ADAM17: variants seen among roughly 807,000 people sequenced by gnomAD.
ADAM17 encodes the protein ADAM metallopeptidase domain 17.
A neutral mutation model predicts 96.7 loss-of-function variants in ADAM17; 39 were observed. The ratio of observed to expected loss-of-function variants is 0.40; its 90% CI spans 0.31 to 0.53. The LOEUF (loss-of-function observed/expected upper bound fraction) is 0.53. Ranked by LOEUF, ADAM17 falls within the 20% of genes least tolerant of loss-of-function variation. The pLI is 0.44. For synonymous variants in ADAM17, 344 were observed against 359.2 expected (o/e 0.96, Z 0.48); for missense variants, 777 against 1,013.2 (o/e 0.77, Z 3.17).
intron 10 of ADAM17, among the ~76,000 whole-genome samples, chr2:9,515,480 T>C (rs956155560): frequency 6.6e-6 from 1 of 152,096 alleles, no homozygotes; most frequent in Non-Finnish European, 1.5e-5. Flanking sequence ...CTCACACCCG[T>C]AATCCCAGCA....
At chr2:9,555,063 G>C (rs1395561967) in intron 1 of ADAM17, among the ~76,000 whole-genome samples, 3 of 151,978 alleles carry the variant, frequency 2.0e-5, no homozygotes, top group African/African-American at 7.3e-5. Context: ...AGAAATTCTA[G>C]TTCCCTCCTT....
intron 2 of ADAM17, among the ~76,000 whole-genome samples, chr2:9,539,813 C>T (rs1572954038): frequency 2.0e-5 from 3 of 152,252 alleles, no homozygotes; most frequent in South Asian, 2.1e-4. Context: ...ACTCACTGTC[C>T]GACCTTGGCC....
At chr2:9,503,344 G>A (rs968815271) in intron 12 of ADAM17, among the ~76,000 whole-genome samples, 2 of 152,086 alleles carry the variant, frequency 1.3e-5, no homozygotes, top group African/African-American at 4.8e-5. Context: ...GTCTATCAGT[G>A]TATATAAAAA....
intron 10 of ADAM17, 75 bp downstream of exon 10, chr2:9,517,826 A>G: frequency 4.1e-6 from 4 of 968,494 alleles, no homozygotes; most frequent in East Asian, 3.0e-5. Context: ...TTAAAAAAAT[A>G]CCTACATAAA....
intron 7 of ADAM17, chr2:9,522,473 G>A: frequency 1.7e-6 from 1 of 581,652 alleles, no homozygotes; most frequent in South Asian, 2.2e-5. Context: ...GAAAGAGAAT[G>A]AAAAGGGAAA....
At chr2:9,497,374 G>A (rs1023949784) in intron 13 of ADAM17, 126 bp from the exon 14 acceptor site, 31 of 1,233,128 alleles carry the variant, frequency 2.5e-5, no homozygotes, top group Non-Finnish European at 3.5e-5. Context: ...GTGACCTACA[G>A]AGCTAGGACA....
intron 8 of ADAM17, among the ~76,000 whole-genome samples, chr2:9,520,484 A>G (rs529614407): frequency 6.6e-6 from 1 of 152,308 alleles, no homozygotes; most frequent in Non-Finnish European, 1.5e-5. Flanking sequence ...TCTCCAATAC[A>G]TGTTCATAAC....
intron 6 of ADAM17, among the ~76,000 whole-genome samples, chr2:9,524,572 A>G (rs10495564): frequency 0.16 from 23,600 of 152,092 alleles, 1,952 homozygotes; most frequent in African/African-American, 0.19. Context: ...GGTCAACTGT[A>G]TTCCCTTCTA....
At chr2:9,547,880 G>A (rs963603440) in intron 1 of ADAM17, among the ~76,000 whole-genome samples, 4 of 151,820 alleles carry the variant, frequency 2.6e-5, no homozygotes, top group African/African-American at 4.8e-5. Flanking sequence ...GCAAAACCCC[G>A]TCTCTACCAA....
intron 4 of ADAM17, among the ~76,000 whole-genome samples, chr2:9,535,125 G>A (rs1037120489): frequency 6.6e-6 from 1 of 152,142 alleles, no homozygotes; most frequent in Non-Finnish European, 1.5e-5. Flanking sequence ...CCAGCAGACT[G>A]TTTTACCCCT....
intron 4 of ADAM17, among the ~76,000 whole-genome samples, chr2:9,530,343 A>C (rs1664688924): frequency 1.3e-5 from 2 of 152,212 alleles, no homozygotes; most frequent in Non-Finnish European, 2.9e-5. Flanking sequence ...GATATATCTG[A>C]GTTCAAACCT....
rs187477431 is a variant in ADAM17 at position 9,551,430 on chromosome 2, C to T, written c.97+4079G>A. Among the ~76,000 whole-genome samples the T allele has an allele frequency of 2.9e-3, 440 of 152,150 alleles. 2 individuals carry two copies. The highest frequency in any genetic ancestry group is 0.01 in the African/African-American group (427 of 41,492). ...AATGAGGTATCTTGGGGATGGGACC[C>T]AAGTCTAAATATAAAATTCATTTAT... On this transcript the variant is annotated intron_variant, in intron 1 of 18. Coordinates refer to ENST00000310823, the MANE Select transcript of ADAM17 (RefSeq NM_003183.6).
At chr2:9,492,517 T>C (rs1203954105) in intron 17 of ADAM17, among the ~76,000 whole-genome samples, 1 of 152,164 alleles carries the variant, frequency 6.6e-6, no homozygotes, top group African/African-American at 2.4e-5. Context: ...CTACATGATA[T>C]ATGGGGAACA....
At chr2:9,534,783 T>G (rs1446082483) in intron 4 of ADAM17, among the ~76,000 whole-genome samples, 1 of 152,216 alleles carries the variant, frequency 6.6e-6, no homozygotes, top group Non-Finnish European at 1.5e-5. Flanking sequence ...GATAATCTAT[T>G]TTCCGAATTT....
intron 2 of ADAM17, among the ~76,000 whole-genome samples, chr2:9,539,110 A>ATT (rs748536711): frequency 7.8e-4 from 113 of 144,422 alleles, no homozygotes; most frequent in African/African-American, 2.5e-3. Flanking sequence ...TAATTTCTTG[A>ATT]TTTTTTTTTT....
rs1221596363 is a variant in ADAM17 at position 9,527,819 on chromosome 2, G to A, written c.586C>T (p.Pro196Ser). 7 of 1,598,228 alleles carry A rather than the reference G, an allele frequency of 4.4e-6. No individual in the cohort carries two copies. The highest frequency in any genetic ancestry group is 6.0e-6 in the Non-Finnish European group (7 of 1,173,936). ...GGTTCTCTGTCTACTAACCCTTTTG[G>A]GAGCAACTCTTCATTATCCACTTTT... ...YLKVDNEELL[P>S]KGLVDREPPE... The change falls in exon 5 of 19, where the codon CCA (proline) becomes TCA (serine). Residue 196 changes from proline to serine, a missense_variant. Physicochemically the swap from Pro to Ser is moderately conservative, Grantham distance 74. Transcript: ENST00000310823.
chr2:9,530,853 C>T (rs931166436), intron 4 of ADAM17, among the ~76,000 whole-genome samples: 4 of 152,146 alleles, frequency 2.6e-5, no homozygotes, highest in African/African-American at 7.2e-5. Context: ...AGAAAGCTAA[C>T]AGGACATTAT....
intron 8 of ADAM17, among the ~76,000 whole-genome samples, chr2:9,518,516 A>C (rs1664170780): frequency 6.6e-6 from 1 of 152,152 alleles, no homozygotes; most frequent in South Asian, 2.1e-4. Flanking sequence ...CTTCAGAACT[A>C]ACTCACTGCT....
Position 9,555,577 on chromosome 2 carries a change from C to G in ADAM17, c.29G>C (p.Ser10Thr). MRQSLLFLT[S>T]VVPFVLAPRP... ...CGGCGCCAGCACGAAAGGAACCACG[C>G]TGGTCAGGAATAGGAGAGACTGCCT... is the stretch of plus-strand genomic sequence containing the variant. The change falls in exon 1 of 19, where the codon AGC becomes ACC. Residue 10 changes from serine (S) to threonine (T), a missense_variant. By Grantham distance (58) the Ser-to-Thr change is moderately conservative. Coordinates refer to ENST00000310823, the MANE Select transcript of ADAM17 (RefSeq NM_003183.6). 6.3e-7 allele frequency: 1 copy of G among 1,598,556 alleles called. No individual in the cohort carries two copies. The highest frequency in any genetic ancestry group is 8.5e-7 in the Non-Finnish European group (1 of 1,172,554).
Sources: gnomAD v4.1 joint callset for allele counts (sites outside exome capture counted in the v4.1 genomes callset) on GRCh38, gnomAD v4.1.1 for gene constraint, MANE v1.5 for transcripts, NCBI Gene and HGNC (gene_info 2026-07-23, HGNC 2026-07-21) for gene names.